The following LRRIQ3 variants were observed in gnomAD, a reference collection of about 807,000 sequenced individuals.
LRRIQ3 encodes the protein leucine-rich repeat and IQ domain-containing protein 3.
A neutral mutation model predicts 59.3 loss-of-function variants in LRRIQ3; 75 were observed. The observed-to-expected ratio is 1.26, with a 90% CI of 1.05 to 1.53. LRRIQ3 has a LOEUF of 1.53. LRRIQ3 is among the 40% of genes most tolerant of loss of function. The pLI is 0.00. For synonymous variants in LRRIQ3, 250 were observed against 231.3 expected (o/e 1.08, Z -0.73); for missense variants, 831 against 710.0 (o/e 1.17, Z -1.94).
At chr1:74,115,177 A>C (rs1242354191) in intron 4 of LRRIQ3, among the ~76,000 whole-genome samples, 1 of 152,080 alleles carries the variant, frequency 6.6e-6, no homozygotes, top group African/African-American at 2.4e-5. Flanking sequence ...TGAATTGCTC[A>C]ATCATTCATT....
chr1:74,149,518 T>C (rs931738469), intron 4 of LRRIQ3, among the ~76,000 whole-genome samples: 2 of 152,196 alleles, frequency 1.3e-5, no homozygotes, highest in Non-Finnish European at 2.9e-5. Context: ...CTTTTTAAAT[T>C]CTTTACGTTG....
chr1:74,184,111 G>A (rs1462503552), intron 1 of LRRIQ3, among the ~76,000 whole-genome samples: 1 of 151,984 alleles, frequency 6.6e-6, no homozygotes, highest in Non-Finnish European at 1.5e-5. Context: ...TCAGGAGAGT[G>A]ATAATCTTTG....
intron 4 of LRRIQ3, among the ~76,000 whole-genome samples, chr1:74,136,127 T>C (rs1038804725): frequency 1.3e-5 from 2 of 151,466 alleles, no homozygotes; most frequent in Admixed American, 1.3e-4. Context: ...AATTGGAAAA[T>C]GTAGATGAAA....
At chr1:74,050,949 C>G (rs563961644) in intron 6 of LRRIQ3, among the ~76,000 whole-genome samples, 2 of 152,086 alleles carry the variant, frequency 1.3e-5, no homozygotes, top group South Asian at 4.1e-4. Flanking sequence ...AATGACTTAT[C>G]TAAGATATGG....
chr1:74,039,221 G>A (rs951653208), intron 7 of LRRIQ3, among the ~76,000 whole-genome samples: 2 of 152,090 alleles, frequency 1.3e-5, no homozygotes. Flanking sequence ...TAGAAGAAAC[G>A]ATATCAGAGT....
intron 3 of LRRIQ3, among the ~76,000 whole-genome samples, chr1:74,164,446 CA>C (rs1041732784): frequency 2.0e-5 from 3 of 151,440 alleles, no homozygotes; most frequent in African/African-American, 7.3e-5. Flanking sequence ...AGAGAGTCTT[CA>C]GAAGAAATCA....
At chr1:74,064,773 T>C (rs1654822661) in intron 6 of LRRIQ3, among the ~76,000 whole-genome samples, 1 of 152,064 alleles carries the variant, frequency 6.6e-6, no homozygotes, top group South Asian at 2.1e-4. Flanking sequence ...CTGGCCTCAT[T>C]ATATCTGATG....
rs1180895262 is a variant in LRRIQ3, at chr1:74,160,277, C to T, written c.574-4411G>A. On this transcript the variant is annotated intron_variant, in intron 3 of 7. Coordinates refer to ENST00000354431, the MANE Select transcript of LRRIQ3 (RefSeq NM_001105659.2). ...TGCATGTGCCAAGCTCTATCAATACCTCTGTGCCTTTGCAAATGCTTTCCA... is the reference window on the plus strand; with the variant it reads ...TGCATGTGCCAAGCTCTATCAATACTTCTGTGCCTTTGCAAATGCTTTCCA... Among the ~76,000 whole-genome samples, 3 of 152,058 alleles carry T rather than the reference C, an allele frequency of 2.0e-5. No individual in the cohort carries two copies. The South Asian group carries it at 6.2e-4, about 32-fold the overall frequency.
At chr1:74,074,113 AG>A (rs1216134256) in intron 6 of LRRIQ3, among the ~76,000 whole-genome samples, 6 of 152,196 alleles carry the variant, frequency 3.9e-5, no homozygotes, top group Non-Finnish European at 7.4e-5. Context: ...ATAGCCATAC[AG>A]TAACAAAGCT....
At chr1:74,094,197 A>G (rs1053222753) in intron 5 of LRRIQ3, among the ~76,000 whole-genome samples, 1 of 152,066 alleles carries the variant, frequency 6.6e-6, no homozygotes, top group African/African-American at 2.4e-5. Context: ...TTACTTCTTT[A>G]GAGTCCCCAT....
At position 74,180,712 on chromosome 1, in the gene LRRIQ3, A is replaced by C. The variant is rs1371471358; in HGVS notation, c.573+1826T>G. 1.9e-6 allele frequency: 3 copies of C among 1,549,576 alleles called. No homozygotes were observed. The South Asian group carries it at 3.6e-5, about 18-fold the overall frequency. ...TGCAGACTTGTTGAAATCCCACCTC[A>C]TGACTCATTTGCTGTCCAATATTGG... is the stretch of plus-strand genomic sequence containing the variant. On this transcript the variant is annotated intron_variant, in intron 3 of 7. Transcript: ENST00000354431.
At chr1:74,124,651 C>A (rs1423475611) in intron 4 of LRRIQ3, among the ~76,000 whole-genome samples, 1 of 151,906 alleles carries the variant, frequency 6.6e-6, no homozygotes, top group African/African-American at 2.4e-5. Flanking sequence ...GCACCTTTAT[C>A]AAAAATCAGT....
In LRRIQ3 at chr1:74,064,576, C is replaced by A. The variant is rs546120562; in HGVS notation, c.997+10085G>T. 2.6e-5 allele frequency among the ~76,000 whole-genome samples: 4 copies of A among 152,174 alleles called. No homozygotes were observed. The South Asian group carries it at 8.3e-4, about 31-fold the overall frequency. ...TCAACTCATGGAACTTTCTTTCATA[C>A]ACCTTCTAAGGCACATCTTTTAGCA... On this transcript the variant is annotated intron_variant, in intron 6 of 7. Coordinates refer to ENST00000354431, the MANE Select transcript of LRRIQ3 (RefSeq NM_001105659.2).
chr1:74,194,517 G>T (rs7542912), intron 1 of LRRIQ3, among the ~76,000 whole-genome samples: 1 of 152,102 alleles, frequency 6.6e-6, no homozygotes, highest in Non-Finnish European at 1.5e-5. Context: ...TTGGCTTTTT[G>T]AATTTTAGAA....
intron 3 of LRRIQ3, among the ~76,000 whole-genome samples, chr1:74,167,330 T>C (rs1004845560): frequency 5.3e-5 from 8 of 151,734 alleles, no homozygotes; most frequent in Non-Finnish European, 1.5e-5. Flanking sequence ...TTGGAGACCA[T>C]TATTCTAAGT....
chr1:74,109,611 A>C, intron 4 of LRRIQ3, 58 bp from the exon 5 acceptor site: 1 of 1,399,596 alleles, frequency 7.1e-7, no homozygotes, highest in Non-Finnish European at 9.7e-7. Context: ...AAAAACATGA[A>C]AATTAGTCAT....
chr1:74,129,879 T>A (rs1195886486), intron 4 of LRRIQ3, among the ~76,000 whole-genome samples: 1 of 151,912 alleles, frequency 6.6e-6, no homozygotes, highest in Admixed American at 6.6e-5. Context: ...AGAAATGTTG[T>A]CCAAGAGCTA....
intron 3 of LRRIQ3, among the ~76,000 whole-genome samples, chr1:74,168,570 C>A (rs1461450696): frequency 6.6e-6 from 1 of 152,000 alleles, no homozygotes; most frequent in Non-Finnish European, 1.5e-5. Context: ...ATATTTAGAC[C>A]ATTTACTGTA....
At chr1:74,129,215 C>A (rs942610173) in intron 4 of LRRIQ3, among the ~76,000 whole-genome samples, 1 of 151,978 alleles carries the variant, frequency 6.6e-6, no homozygotes, top group African/African-American at 2.4e-5. Flanking sequence ...CCCTTGGTCC[C>A]AGGTAGGTCA....
Sources: gnomAD v4.1 joint callset for allele counts (sites outside exome capture counted in the v4.1 genomes callset) on GRCh38, gnomAD v4.1.1 for gene constraint, MANE v1.5 for transcripts, NCBI Gene and HGNC (gene_info 2026-07-23, HGNC 2026-07-21) for gene names.